Variants in RADIL observed in about 807,000 individuals in gnomAD.
The protein encoded by RADIL is Rap associating with DIL domain, also known as ras-associating and dilute domain-containing protein.
RADIL carries 99 observed loss-of-function variants against 97.6 expected under a neutral mutation model. The ratio of observed to expected loss-of-function variants is 1.01; its 90% CI spans 0.86 to 1.20. RADIL has a LOEUF of 1.20. Ranked by LOEUF, RADIL falls within the 50% of genes most tolerant of loss-of-function variation. RADIL has a pLI of 0.00. For missense variants in RADIL, 1,765 were observed against 1,498.9 expected (o/e 1.18, Z -2.93); for synonymous variants, 803 against 691.8 (o/e 1.16, Z -2.52).
chr7:4,861,812 T>G (rs1318097830), intron 2 of RADIL: 1 of 1,349,546 alleles, frequency 7.4e-7, no homozygotes, highest in Non-Finnish European at 9.5e-7. Flanking sequence ...CGGCATCATC[T>G]TTCAGCGCCC....
rs548187266 is a variant in RADIL at position 4,872,599 on chromosome 7, G to A, written c.535+5006C>T. Among the ~76,000 whole-genome samples the A allele has an allele frequency of 2.0e-5, 3 of 152,192 alleles. No individual in the cohort carries two copies. In the South Asian group the frequency reaches 6.2e-4, roughly 32 times the overall value. ...CTAAATACAGCCTTCTAGGAAAGGG[G>A]AGTGAGAGCCACTTCCAGCCCGGCC... On this transcript the variant is annotated intron_variant, in intron 2 of 14. Transcript: ENST00000399583. The surrounding 1 kb of genome is among the most constrained non-coding windows in gnomAD (Gnocchi z 5.8).
chr7:4,882,383 A>G (rs1176269211), intron 1 of RADIL, among the ~76,000 whole-genome samples: 5 of 152,214 alleles, frequency 3.3e-5, no homozygotes, highest in African/African-American at 1.2e-4. Context: ...TCTGTGACAC[A>G]AATACTTGGG....
At chr7:4,838,912 G>A (rs924401683) in intron 2 of RADIL, among the ~76,000 whole-genome samples, 5 of 152,258 alleles carry the variant, frequency 3.3e-5, no homozygotes, top group African/African-American at 1.2e-4. Flanking sequence ...CTGTGGAACA[G>A]CCAGCAGGAC....
At position 4,834,993 on chromosome 7, in the gene RADIL, G is replaced by T. The variant is rs1482296168; in HGVS notation, c.1030C>A (p.Leu344Met). Residue 344 changes from leucine (L) to methionine (M), a missense_variant, in exon 4 of 15, where the codon CTG (leucine) becomes ATG (methionine). Leu to Met is a conservative substitution (Grantham distance 15, BLOSUM62 2). Coordinates refer to ENST00000399583, the MANE Select transcript of RADIL (RefSeq NM_018059.5). The surrounding 1 kb of genome is among the most constrained non-coding windows in gnomAD (Gnocchi z 6.0). ...HRTVVLHHGDLLSLGLYYLLL... is the reference protein window; with the variant it reads ...HRTVVLHHGDMLSLGLYYLLL... ...AGGTAGTAGAGCCCCAGGGAGAGCAGGTCCCCGTGGTGCAGCACCACGGTC... is the reference window on the plus strand; with the variant it reads ...AGGTAGTAGAGCCCCAGGGAGAGCATGTCCCCGTGGTGCAGCACCACGGTC... 6.2e-7 allele frequency: 1 copy of T among 1,611,434 alleles called. No homozygotes were observed. The highest frequency in any genetic ancestry group is 8.5e-7 in the Non-Finnish European group (1 of 1,179,338).
In RADIL at chr7:4,817,300, A is replaced by AT. The variant is rs1056488388; in HGVS notation, c.1666dup (p.Met556AsnfsTer42). ...CAGCACCACCTCCTCCAGCACCGCCATGGCCTCCTCGCTGGCCGTCAGCGT... is the reference window on the plus strand; with the variant it reads ...CAGCACCACCTCCTCCAGCACCGCCATTGGCCTCCTCGCTGGCCGTCAGCGT... On this transcript the variant is annotated frameshift_variant, in exon 7 of 15. Transcript: ENST00000399583. LOFTEE classifies it high-confidence loss of function. The surrounding 1 kb of genome is among the most constrained non-coding windows in gnomAD (Gnocchi z 8.3). 1 of 1,612,562 alleles carries AT rather than the reference A, an allele frequency of 6.2e-7. No homozygotes were observed. The highest frequency in any genetic ancestry group is 1.3e-5 in the African/African-American group (1 of 74,910).
rs1429933769 is a variant in RADIL, at chr7:4,854,423, G to T, written c.536-17818C>A. On this transcript the variant is annotated intron_variant, in intron 2 of 14. Transcript: ENST00000399583. The surrounding 1 kb of genome is among the most constrained non-coding windows in gnomAD (Gnocchi z 5.1). ...AGGTTACCACTTTGGGCCGGGCGCG[G>T]TGGCTCACGCCTGTAATCCCAGCAC... Among the ~76,000 whole-genome samples the T allele has an allele frequency of 6.6e-6, 1 of 152,218 alleles. No homozygotes were observed. The highest frequency in any genetic ancestry group is 2.4e-5 in the African/African-American group (1 of 41,446).
At chr7:4,804,979 A>G (rs1271150691) in intron 10 of RADIL, among the ~76,000 whole-genome samples, 1 of 151,998 alleles carries the variant, frequency 6.6e-6, no homozygotes, top group Non-Finnish European at 1.5e-5. Context: ...CTGTAATCCC[A>G]GCTACTAGGG....
rs1784164712 is a variant in RADIL at position 4,867,889 on chromosome 7, C to A, written c.535+9716G>T. ...AGAGCATCTGCCAACAGATTGGAAACCCATGGCCACACAAAGCAGAGAGAA... is the reference window on the plus strand; with the variant it reads ...AGAGCATCTGCCAACAGATTGGAAAACCATGGCCACACAAAGCAGAGAGAA... On this transcript the variant is annotated intron_variant, in intron 2 of 14. Transcript: ENST00000399583. The surrounding 1 kb of genome is among the most constrained non-coding windows in gnomAD (Gnocchi z 4.1). Among the ~76,000 whole-genome samples, 1 of 152,204 alleles carries A rather than the reference C, an allele frequency of 6.6e-6. No individual in the cohort carries two copies. The highest frequency in any genetic ancestry group is 1.5e-5 in the Non-Finnish European group (1 of 68,036).
intron 2 of RADIL, among the ~76,000 whole-genome samples, chr7:4,855,949 C>T (rs1286156080): frequency 6.6e-6 from 1 of 151,924 alleles, no homozygotes; most frequent in Non-Finnish European, 1.5e-5. Flanking sequence ...GTGCGCATCA[C>T]CATGCCCAGC....
chr7:4,807,270 C>T (rs1036540925), intron 9 of RADIL, among the ~76,000 whole-genome samples: 2 of 151,998 alleles, frequency 1.3e-5, no homozygotes, highest in South Asian at 2.1e-4. Context: ...GGGCACAGAA[C>T]GACGTCCTCC....
At chr7:4,870,012 G>T (rs1019546205) in intron 2 of RADIL, among the ~76,000 whole-genome samples, 1 of 152,166 alleles carries the variant, frequency 6.6e-6, no homozygotes, top group Non-Finnish European at 1.5e-5. Flanking sequence ...GTTGGCATGT[G>T]CCTGTGTTCT....
rs370467941 is a variant in RADIL, at chr7:4,815,256, C to T, written c.2139+22G>A. Reference sequence around the variant, plus strand: ...TGGCCCCGCCCCTCCCCACACTCGCCGCCTCCCATGCGCACCCCTACCTGG... The same window carrying T: ...TGGCCCCGCCCCTCCCCACACTCGCTGCCTCCCATGCGCACCCCTACCTGG... On this transcript the variant is annotated intron_variant, in intron 9 of 14. Coordinates refer to ENST00000399583, the MANE Select transcript of RADIL (RefSeq NM_018059.5). The surrounding 1 kb of genome is among the most constrained non-coding windows in gnomAD (Gnocchi z 8.0). 2.0e-4 allele frequency: 297 copies of T among 1,517,406 alleles called. 1 individual carries two copies. The East Asian group carries it at 2.2e-3, about 11-fold the overall frequency. The allele number at this position is 1,517,406 out of a possible 1,614,324, so 94.0% of individuals were successfully genotyped here. A position where few individuals can be genotyped will look rare whatever the true frequency, so the allele number is the denominator to read the frequency against.
At position 4,879,855 on chromosome 7, in the gene RADIL, C is replaced by T. The variant is rs1048634508; in HGVS notation, c.-64-1652G>A. Among the ~76,000 whole-genome samples the T allele has an allele frequency of 1.4e-4, 21 of 152,226 alleles. No homozygotes were observed. The highest frequency in any genetic ancestry group is 9.8e-4 in the Admixed American group (15 of 15,278). The stretch of plus-strand genomic sequence containing the variant: ...GGGTCATCTTCTCTGGAGCCTCTCA[C>T]TGCCCGCCAGAGCTGTCATGGGTGA... On this transcript the variant is annotated intron_variant, in intron 1 of 14. Coordinates refer to ENST00000399583, the MANE Select transcript of RADIL (RefSeq NM_018059.5). This position sits in a 1 kb window ranked among gnomAD's most constrained non-coding sequence, Gnocchi z 4.1.
rs1056615861 is a variant in RADIL, at chr7:4,821,988, G to A, written c.1615+406C>T. Among the ~76,000 whole-genome samples the A allele has an allele frequency of 7.9e-5, 12 of 152,012 alleles. No homozygotes were observed. Among genetic ancestry groups the A allele is most frequent in the African/African-American group, 1.5e-4 (6 of 41,350 alleles). ...AATAACGGTGTGTCTCAGAACGGGC[G>A]GCGGTCTCATGGCCGACGCTCTCTC... is the stretch of plus-strand genomic sequence containing the variant. On this transcript the variant is annotated intron_variant, in intron 6 of 14. Transcript: ENST00000399583. The surrounding 1 kb of genome is among the most constrained non-coding windows in gnomAD (Gnocchi z 5.2).
At position 4,836,476 on chromosome 7, in the gene RADIL, G is replaced by A. The variant is rs746941912; in HGVS notation, c.665C>T (p.Pro222Leu). 6 of 1,606,980 alleles carry A rather than the reference G, an allele frequency of 3.7e-6. No individual in the cohort carries two copies. The highest frequency in any genetic ancestry group is 2.5e-6 in the Non-Finnish European group (3 of 1,177,494). ...GGCGGCAGCGGGCAGGGCGTTCACTGGGCTCAGGCTGGTCTCACTGACTGT... is the reference window on the plus strand; with the variant it reads ...GGCGGCAGCGGGCAGGGCGTTCACTAGGCTCAGGCTGGTCTCACTGACTGT... ...RRTVSETSLS[P>L]VNALPAAAQG... Residue 222 changes from proline (P) to leucine (L), a missense_variant, in exon 3 of 15, where the codon CCA (proline) becomes CTA (leucine). Transcript: ENST00000399583.
chr7:4,819,843 T>C lies in RADIL; in HGVS notation c.1616-2492A>G, dbSNP rs28681436. Among the ~76,000 whole-genome samples, 48,209 of 152,138 alleles carry C rather than the reference T, an allele frequency of 0.32. 10,475 individuals are homozygous for C. Among genetic ancestry groups the C allele is most frequent in the African/African-American group, 0.62 (25,538 of 41,482 alleles). ...GGAGCCTGCAGGCATCCCTGGGCCC[T>C]GGCTCCCATCGCCGGGCCAAACACT... is the stretch of plus-strand genomic sequence containing the variant. On this transcript the variant is annotated intron_variant, in intron 6 of 14. Transcript: ENST00000399583. This position sits in a 1 kb window ranked among gnomAD's most constrained non-coding sequence, Gnocchi z 5.8.
chr7:4,803,545 C>T lies in RADIL; in HGVS notation c.2499+1G>A. The T allele has an allele frequency of 6.5e-7, 1 of 1,538,780 alleles. No individual in the cohort carries two copies. Among genetic ancestry groups the T allele is most frequent in the Non-Finnish European group, 8.8e-7 (1 of 1,139,664 alleles). ...GGCTGGGGGGCCCCCTCCCCGGGTA[C>T]CTCGGGGCACACTGGCTGGGAGGCC... On this transcript the variant is annotated splice_donor_variant, in intron 11 of 14. Coordinates refer to ENST00000399583, the MANE Select transcript of RADIL (RefSeq NM_018059.5). LOFTEE classifies it high-confidence loss of function.
rs190915491 is a variant in RADIL at position 4,875,822 on chromosome 7, C to T, written c.535+1783G>A. On this transcript the variant is annotated intron_variant, in intron 2 of 14. Coordinates refer to ENST00000399583, the MANE Select transcript of RADIL (RefSeq NM_018059.5). ...AGGGGAGGGACCCCATCTCTGCCAC[C>T]GGATCACCGGTCCTTCCAAGGGACC... Among the ~76,000 whole-genome samples, 36 of 152,176 alleles carry T rather than the reference C, an allele frequency of 2.4e-4. 1 individual carries two copies. The East Asian group carries it at 3.5e-3, about 15-fold the overall frequency.
rs1176200225 is a variant in RADIL, at chr7:4,835,446, T to C, written c.784-207A>G. ...CCGGGCCCATCCCAGAGGAGGTCGGTTTCCCGGAGGAGCACACGAGAGACC... is the reference window on the plus strand; with the variant it reads ...CCGGGCCCATCCCAGAGGAGGTCGGCTTCCCGGAGGAGCACACGAGAGACC... On this transcript the variant is annotated intron_variant, in intron 3 of 14. Transcript: ENST00000399583. This position sits in a 1 kb window ranked among gnomAD's most constrained non-coding sequence, Gnocchi z 5.8. 1.3e-5 allele frequency among the ~76,000 whole-genome samples: 2 copies of C among 151,908 alleles called. No individual in the cohort carries two copies. Among genetic ancestry groups the C allele is most frequent in the Middle Eastern group, 3.2e-3 (1 of 314 alleles).
Sources: gnomAD v4.1 joint callset for allele counts (sites outside exome capture counted in the v4.1 genomes callset) on GRCh38, gnomAD v4.1.1 for gene constraint, Gnocchi (gnomAD v3.1) non-coding constraint, MANE v1.5 for transcripts, NCBI Gene and HGNC (gene_info 2026-07-23, HGNC 2026-07-21) for gene names.